The following PDE4DIP variants were observed in gnomAD, a reference collection of about 807,000 sequenced individuals.
PDE4DIP encodes the protein phosphodiesterase 4D interacting protein.
Under a neutral mutation model 221.4 loss-of-function variants are expected in PDE4DIP, and 59 were observed. The ratio of observed to expected loss-of-function variants is 0.27; its 90% CI spans 0.22 to 0.33. The LOEUF is 0.33. Among genes scored for constraint, PDE4DIP ranks in the 10% least tolerant of loss-of-function variants. The pLI is 1.00. For missense variants in PDE4DIP, 1,036 were observed against 2,154.2 expected, an observed-to-expected ratio of 0.48 and a Z score of 10.28; for synonymous variants, 404 against 815.9, an observed-to-expected ratio of 0.50 and a Z score of 8.60.
chr1:148,986,779 C>A lies in PDE4DIP; in HGVS notation c.2816-5106C>A, dbSNP rs187575458. ...ATAGCAGAAAGCACGACAGAGGTTTCAGGAGCCAACTGTGGTGGGTAGTGC... is the reference window on the plus strand; with the variant it reads ...ATAGCAGAAAGCACGACAGAGGTTTAAGGAGCCAACTGTGGTGGGTAGTGC... On this transcript the variant is annotated intron_variant, in intron 21 of 43. Coordinates refer to ENST00000369354, the Ensembl canonical transcript of PDE4DIP. Among the ~76,000 whole-genome samples, 82 of 152,324 alleles carry A rather than the reference C, an allele frequency of 5.4e-4. 1 individual carries two copies. Among genetic ancestry groups the A allele is most frequent in the African/African-American group, 1.9e-3 (77 of 41,582 alleles).
rs1339342935 is a variant in PDE4DIP, at chr1:148,892,470, T to C, written c.141+2576T>C. Among the ~76,000 whole-genome samples the C allele has an allele frequency of 5.8e-5, 7 of 121,172 alleles. 1 individual carries two copies. Among genetic ancestry groups the C allele is most frequent in the Non-Finnish European group, 1.2e-4 (7 of 60,448 alleles). The allele number at this position is 121,172 out of a possible 152,430, so 79.5% of individuals were successfully genotyped here. A position where few individuals can be genotyped will look rare whatever the true frequency, so the allele number is the denominator to read the frequency against. On this transcript the variant is annotated intron_variant, in intron 1 of 43. Coordinates refer to ENST00000369354, the Ensembl canonical transcript of PDE4DIP. ...GAGATTATAGGAGCTGCACAAGGTG[T>C]ATGTGGGGGGAGTGGAACACAGCCT...
At chr1:148,847,778 G>A (rs1160774079) in intron 1 of PDE4DIP, among the ~76,000 whole-genome samples, 1 of 13,144 alleles carries the variant, frequency 7.6e-5, no homozygotes, top group African/African-American at 3.8e-4. Flanking sequence ...TGAGGCAGGA[G>A]AATGGCCTGA....
At chr1:148,986,414 C>T (rs587723004) in intron 21 of PDE4DIP, 3 of 152,216 alleles carry the variant, frequency 2.0e-5, no homozygotes, top group East Asian at 3.9e-4. Context: ...AGAATTTTAG[C>T]TATCTTAGTT....
At chr1:149,032,029 G>A (rs782077683) in exon 44 of PDE4DIP, 11 of 1,611,400 alleles carry the variant, frequency 6.8e-6, no homozygotes, top group Non-Finnish European at 8.5e-6. Flanking sequence ...GCCACCAGAA[G>A]TCCTTAAAAC....
In PDE4DIP at chr1:148,919,990, T is replaced by C. The variant is rs1445917377; in HGVS notation, c.142-9207T>C. On this transcript the variant is annotated intron_variant, in intron 1 of 43. Coordinates refer to ENST00000369354, the Ensembl canonical transcript of PDE4DIP. ...CAACTCTGATTACACTGAGAACTCC[T>C]TGAGGTCAAGGACAATGATGCCAAG... is the stretch of plus-strand genomic sequence containing the variant. Among the ~76,000 whole-genome samples the C allele has an allele frequency of 2.2e-5, 3 of 136,568 alleles. No individual in the cohort carries two copies. The East Asian group carries it at 6.1e-4, about 28-fold the overall frequency. The allele number at this position is 136,568 out of a possible 152,430, so 89.6% of individuals were successfully genotyped here. A position where few individuals can be genotyped will look rare whatever the true frequency, so the allele number is the denominator to read the frequency against.
In PDE4DIP at chr1:149,011,172, C is replaced by T. The variant is rs587681573; in HGVS notation, c.5080+577C>T. 6.1e-5 allele frequency among the ~76,000 whole-genome samples: 9 copies of T among 147,138 alleles called. No individual in the cohort carries two copies. The South Asian group carries it at 2.0e-3, about 33-fold the overall frequency. On this transcript the variant is annotated intron_variant, in intron 31 of 43. Transcript: ENST00000369354. Reference sequence around the variant, plus strand: ...TCATTTACAAGTTCAGCTTAGTTGCCGGAGGGTACACTGCTCATTCACAGC... The same window carrying T: ...TCATTTACAAGTTCAGCTTAGTTGCTGGAGGGTACACTGCTCATTCACAGC...
intron 27 of PDE4DIP, among the ~76,000 whole-genome samples, chr1:149,006,157 A>T (rs1187715379): frequency 1.3e-5 from 2 of 151,964 alleles, no homozygotes; most frequent in Non-Finnish European, 2.9e-5. Flanking sequence ...AAGAATTAAT[A>T]CAAGTGCTTA....
chr1:148,977,795 G>C (rs1553538788), intron 17 of PDE4DIP, 142 bp from the exon 21 acceptor site: 25 of 1,279,526 alleles, frequency 2.0e-5, no homozygotes, highest in Non-Finnish European at 1.1e-6. Context: ...TATACTGCAT[G>C]GATTATTGGT....
At position 149,017,894 on chromosome 1, in the gene PDE4DIP, G is replaced by C. The variant is rs1553613568; in HGVS notation, c.5650+15G>C. 3.2e-6 allele frequency: 5 copies of C among 1,575,734 alleles called. No individual in the cohort carries two copies. In the Admixed American group the frequency reaches 7.1e-5, roughly 22 times the overall value. Reference sequence around the variant, plus strand: ...TCGTGGAAGGGGTAGGAGAGGCCCAGACCTTCCTGTTTCTGGCTCTATTTA... The same window carrying C: ...TCGTGGAAGGGGTAGGAGAGGCCCACACCTTCCTGTTTCTGGCTCTATTTA... On this transcript the variant is annotated intron_variant, in intron 34 of 43. Coordinates refer to ENST00000369354, the Ensembl canonical transcript of PDE4DIP.
intron 1 of PDE4DIP, among the ~76,000 whole-genome samples, chr1:148,898,715 GT>G (rs1170695390): frequency 1.2e-5 from 1 of 80,572 alleles, no homozygotes; most frequent in Non-Finnish European, 2.3e-5. Flanking sequence ...GTAGAGACGG[GT>G]TTTCACCACG....
intron 21 of PDE4DIP, among the ~76,000 whole-genome samples, chr1:148,989,622 A>G (rs1193938788): frequency 6.6e-6 from 1 of 152,172 alleles, no homozygotes; most frequent in East Asian, 1.9e-4. Context: ...ATGGTAGGGG[A>G]TGAGGATCCT....
intron 14 of PDE4DIP, among the ~76,000 whole-genome samples, chr1:148,970,717 G>A (rs1239025106): frequency 6.6e-6 from 1 of 152,078 alleles, no homozygotes; most frequent in African/African-American, 2.4e-5. Context: ...TAAATACTAC[G>A]AGAAAAGGAG....
chr1:148,952,389 A>T, intron 5 of PDE4DIP: 2 of 1,078,034 alleles, frequency 1.9e-6, no homozygotes, highest in Non-Finnish European at 2.3e-6. Context: ...TCCATCCCCG[A>T]GGCTTTGCGT....
intron 41 of PDE4DIP, among the ~76,000 whole-genome samples, chr1:149,029,417 C>A (rs1303590916): frequency 3.9e-5 from 6 of 152,202 alleles, no homozygotes; most frequent in African/African-American, 1.4e-4. Flanking sequence ...AGATCTCTCA[C>A]CCCAGCATAA....
In PDE4DIP at chr1:148,918,657, A is replaced by ACACACC. The variant is rs1453860776; in HGVS notation, c.142-10539_142-10538insACACCC. Among the ~76,000 whole-genome samples the ACACACC allele has an allele frequency of 2.8e-5, 3 of 107,004 alleles. No homozygotes were observed. The South Asian group carries it at 1.1e-3, about 38-fold the overall frequency. The allele number at this position is 107,004 out of a possible 152,430, so 70.2% of individuals were successfully genotyped here. A position where few individuals can be genotyped will look rare whatever the true frequency, so the allele number is the denominator to read the frequency against. ...CACACACACACACACACACACACAC[A>ACACACC]CCCTAGCTGTGTCTATCCAAACACC... is the stretch of plus-strand genomic sequence containing the variant. On this transcript the variant is annotated intron_variant, in intron 1 of 43. Coordinates refer to ENST00000369354, the Ensembl canonical transcript of PDE4DIP.
At chr1:149,012,465 T>G (rs1308618996) in intron 31 of PDE4DIP, 126 bp from the exon 35 acceptor site, 2 of 587,734 alleles carry the variant, frequency 3.4e-6, no homozygotes, top group East Asian at 5.7e-5. Context: ...CCACACTAGA[T>G]GATAGCCACT....
intron 2 of PDE4DIP, 38 bp downstream of exon 5, chr1:148,929,311 C>G: frequency 5.2e-6 from 8 of 1,551,052 alleles, no homozygotes; most frequent in Non-Finnish European, 6.2e-6. Context: ...TTTCCAGAGT[C>G]TGTCTTACTA....
intron 23 of PDE4DIP, among the ~76,000 whole-genome samples, chr1:148,999,325 A>G (rs1395671891): frequency 2.0e-5 from 3 of 152,080 alleles, no homozygotes; most frequent in Admixed American, 1.3e-4. Flanking sequence ...TGACTTCTAA[A>G]TCATGCCCTG....
chr1:149,011,124 G>C (rs587706111), intron 31 of PDE4DIP, among the ~76,000 whole-genome samples: 1 of 151,990 alleles, frequency 6.6e-6, no homozygotes, highest in African/African-American at 2.4e-5. Flanking sequence ...TGCATATCTT[G>C]GGGGCAGTTA....
Sources: allele counts gnomAD v4.1 joint callset (sites outside exome capture counted in the v4.1 genomes callset), GRCh38; gene constraint gnomAD v4.1.1; transcripts MANE v1.5; gene names NCBI Gene and HGNC (gene_info 2026-07-23, HGNC 2026-07-21).